MGAT4A: variants seen among roughly 807,000 people sequenced by gnomAD.
MGAT4A encodes the protein N-acetylglucosaminyltransferase IVa.
In MGAT4A, 33 loss-of-function variants were observed where a neutral mutation model predicts 74.1. The ratio of observed to expected loss-of-function variants is 0.45; its 90% CI spans 0.34 to 0.60. The LOEUF is 0.60. MGAT4A is among the 20% of genes least tolerant of loss of function. The pLI, the probability that MGAT4A is intolerant of heterozygous loss-of-function variation, is 0.02. For synonymous variants in MGAT4A, 198 were observed against 210.4 expected (o/e 0.94, Z 0.51); for missense variants, 479 against 628.3 (o/e 0.76, Z 2.54).
chr2:98,653,438 A>G (rs1319453682), intron 8 of MGAT4A, among the ~76,000 whole-genome samples: 1 of 151,684 alleles, frequency 6.6e-6, no homozygotes, highest in South Asian at 2.1e-4. Context: ...CCTTAGCTAG[A>G]TTAGCTAAGA....
chr2:98,621,382 T>G lies in MGAT4A; in HGVS notation c.*4184A>C, dbSNP rs760095038. 3.2e-5 allele frequency: 50 copies of G among 1,545,674 alleles called. No individual in the cohort carries two copies. In the African/African-American group the frequency reaches 6.5e-4, roughly 20 times the overall value. ...CCTTTGCTGTTAGCCAAGGCCTCTC[T>G]CAGCTCCTCAAAGCCATGTGCATTC... is the stretch of plus-strand genomic sequence containing the variant. On this transcript the variant is annotated 3_prime_UTR_variant, in exon 16 of 16. Coordinates refer to ENST00000393487, the MANE Select transcript of MGAT4A (RefSeq NM_012214.3).
Position 98,647,614 on chromosome 2 carries a change from C to T in MGAT4A, c.775-2072G>A, listed in dbSNP as rs575800747. Among the ~76,000 whole-genome samples the T allele has an allele frequency of 9.8e-5, 15 of 152,312 alleles. No homozygotes were observed. The South Asian group carries it at 1.4e-3, about 15-fold the overall frequency. On this transcript the variant is annotated intron_variant, in intron 8 of 15. Coordinates refer to ENST00000393487, the MANE Select transcript of MGAT4A (RefSeq NM_012214.3). ...GATTACAGGCGTGAGCCACTGCGCC[C>T]GGCCCATAACGCGCTTTCTTATGCG...
In MGAT4A at chr2:98,623,633, C is replaced by T; in HGVS notation, c.*1933G>A. 1 of 985,304 alleles carries T rather than the reference C, an allele frequency of 1.0e-6. No individual in the cohort carries two copies. Among genetic ancestry groups the T allele is most frequent in the Non-Finnish European group, 1.2e-6 (1 of 829,832 alleles). The allele number at this position is 985,304 out of a possible 1,614,324, so 61.0% of individuals were successfully genotyped here. ...TTAAAACATCCTAATAAAAAAATTT[C>T]AACTGGCCTTTAACTGACATAAAAA... On this transcript the variant is annotated 3_prime_UTR_variant, in exon 16 of 16. Transcript: ENST00000393487.
chr2:98,668,530 T>C (rs924445821), intron 4 of MGAT4A, among the ~76,000 whole-genome samples: 6 of 152,212 alleles, frequency 3.9e-5, no homozygotes, highest in African/African-American at 1.2e-4. Flanking sequence ...GGTGCTCTTA[T>C]GGAGAACCTC....
intron 2 of MGAT4A, among the ~76,000 whole-genome samples, chr2:98,711,906 G>A (rs765875821): frequency 6.6e-6 from 1 of 152,202 alleles, no homozygotes; most frequent in Non-Finnish European, 1.5e-5. Flanking sequence ...TTATGGGCAT[G>A]AGTCACCACA....
At position 98,623,937 on chromosome 2, in the gene MGAT4A, T is replaced by C. The variant is rs1701100819; in HGVS notation, c.*1629A>G. ...GCTCAGCAGAATCCATCTCTGCCCGTCTGCAACCAACCTGCAACCCACTTG... is the reference window on the plus strand; with the variant it reads ...GCTCAGCAGAATCCATCTCTGCCCGCCTGCAACCAACCTGCAACCCACTTG... On this transcript the variant is annotated 3_prime_UTR_variant, in exon 16 of 16. Coordinates refer to ENST00000393487, the MANE Select transcript of MGAT4A (RefSeq NM_012214.3). The C allele has an allele frequency of 1.0e-6, 1 of 985,224 alleles. No individual in the cohort carries two copies. Among genetic ancestry groups the C allele is most frequent in the Admixed American group, 6.1e-5 (1 of 16,266 alleles). 61.0% of individuals were successfully genotyped at this position (985,224 alleles called of 1,614,324 possible).
chr2:98,712,075 C>T (rs1173243333), intron 2 of MGAT4A, among the ~76,000 whole-genome samples: 7 of 152,178 alleles, frequency 4.6e-5, no homozygotes, highest in Non-Finnish European at 1.0e-4. Flanking sequence ...CTCCTCATTC[C>T]CTCAGTCTCC....
chr2:98,668,526 C>A (rs1266909351), intron 4 of MGAT4A, among the ~76,000 whole-genome samples: 1 of 152,184 alleles, frequency 6.6e-6, no homozygotes, highest in Admixed American at 6.5e-5. Flanking sequence ...GGGCGGTGCT[C>A]TTATGGAGAA....
chr2:98,657,046 A>G (rs2104261751), intron 6 of MGAT4A, among the ~76,000 whole-genome samples: 1 of 152,346 alleles, frequency 6.6e-6, no homozygotes, highest in South Asian at 2.1e-4. Flanking sequence ...GGTAGACATT[A>G]GGGATCCTGC....
At chr2:98,668,519 C>T (rs954124729) in intron 4 of MGAT4A, among the ~76,000 whole-genome samples, 20 of 152,224 alleles carry the variant, frequency 1.3e-4, no homozygotes, top group African/African-American at 3.1e-4. Flanking sequence ...GCTGCAGGGG[C>T]GGTGCTCTTA....
intron 2 of MGAT4A, among the ~76,000 whole-genome samples, chr2:98,705,124 C>CA (rs1477289939): frequency 6.6e-6 from 1 of 152,174 alleles, no homozygotes; most frequent in Non-Finnish European, 1.5e-5. Context: ...AGATCTTAAT[C>CA]AGCACACTGA....
Position 98,656,470 on chromosome 2 carries a change from T to C in MGAT4A, c.585-5A>G. The C allele has an allele frequency of 1.3e-6, 2 of 1,569,072 alleles. No homozygotes were observed. Among genetic ancestry groups the C allele is most frequent in the Non-Finnish European group, 1.7e-6 (2 of 1,147,844 alleles). On this transcript the variant is annotated splice_region_variant and splice_polypyrimidine_tract_variant and intron_variant, in intron 6 of 15. Transcript: ENST00000393487. ...GAACTGATTTCTTTAGAAAATCTAT[T>C]ATGAGAAAGTTAGCTGAGTTACTTA...
chr2:98,684,959 G>A (rs983428488), intron 2 of MGAT4A, among the ~76,000 whole-genome samples: 6 of 152,060 alleles, frequency 3.9e-5, no homozygotes, highest in East Asian at 3.9e-4. Context: ...CCTCTGGGCC[G>A]GGCATGGTGG....
chr2:98,620,102 T>G lies in MGAT4A; in HGVS notation c.*5464A>C, dbSNP rs977764886. ...TTAGTGCCCAAACCGGGTGAAGGAGTGTTTCAGGTAAGAAGAAGAGTTTAT... is the reference window on the plus strand; with the variant it reads ...TTAGTGCCCAAACCGGGTGAAGGAGGGTTTCAGGTAAGAAGAAGAGTTTAT... On this transcript the variant is annotated 3_prime_UTR_variant, in exon 16 of 16. Transcript: ENST00000393487. 2 of 152,062 alleles carry G rather than the reference T, an allele frequency of 1.3e-5. No homozygotes were observed. The highest frequency in any genetic ancestry group is 2.9e-5 in the Non-Finnish European group (2 of 67,994). The allele number at this position is 152,062 out of a possible 1,614,324, so 9.4% of individuals were successfully genotyped here. A position where few individuals can be genotyped will look rare whatever the true frequency, so the allele number is the denominator to read the frequency against.
In MGAT4A at chr2:98,655,309, C is replaced by G. The variant is rs1017699288; in HGVS notation, c.774+136G>C. 6.5e-6 allele frequency: 4 copies of G among 615,402 alleles called. No individual in the cohort carries two copies. The African/African-American group carries it at 7.6e-5, about 12-fold the overall frequency. The allele number at this position is 615,402 out of a possible 1,614,324, so 38.1% of individuals were successfully genotyped here. A position where few individuals can be genotyped will look rare whatever the true frequency, so the allele number is the denominator to read the frequency against. Reference sequence around the variant, plus strand: ...ACATGCTCAGTTACCATGGAGACCCCTCTGCTCTGAGATAGTTATGATTTG... The same window carrying G: ...ACATGCTCAGTTACCATGGAGACCCGTCTGCTCTGAGATAGTTATGATTTG... On this transcript the variant is annotated intron_variant, in intron 8 of 15. Coordinates refer to ENST00000393487, the MANE Select transcript of MGAT4A (RefSeq NM_012214.3).
intron 2 of MGAT4A, among the ~76,000 whole-genome samples, chr2:98,686,173 C>T (rs967482492): frequency 6.6e-6 from 1 of 152,104 alleles, no homozygotes; most frequent in South Asian, 2.1e-4. Context: ...CCAACACATA[C>T]GCATGGATTC....
chr2:98,678,318 A>C lies in MGAT4A; in HGVS notation c.248T>G (p.Leu83Trp). Residue 83 changes from leucine to tryptophan, a missense_variant, in exon 3 of 16, where the codon TTG becomes TGG. By Grantham distance (61) the Leu-to-Trp change is moderately conservative (BLOSUM62 -2). Coordinates refer to ENST00000393487, the MANE Select transcript of MGAT4A (RefSeq NM_012214.3). ...GAETNGSKDA[L>W]NKFSDNTLKL... ...ACTGTTTGTACCTGAAAACTTATTC[A>C]ACGCATCCTTACTTCCATTTGTTTC... 1 of 1,406,694 alleles carries C rather than the reference A, an allele frequency of 7.1e-7. No homozygotes were observed. Among genetic ancestry groups the C allele is most frequent in the Non-Finnish European group, 9.4e-7 (1 of 1,068,108 alleles). The allele number at this position is 1,406,694 out of a possible 1,614,324, so 87.1% of individuals were successfully genotyped here. A position where few individuals can be genotyped will look rare whatever the true frequency, so the allele number is the denominator to read the frequency against.
At chr2:98,683,129 C>A (rs534475424) in intron 2 of MGAT4A, among the ~76,000 whole-genome samples, 1 of 151,928 alleles carries the variant, frequency 6.6e-6, no homozygotes, top group Non-Finnish European at 1.5e-5. Flanking sequence ...ATGGCTTCCA[C>A]TTTAAGACGT....
chr2:98,711,618 A>C (rs1055778894), intron 2 of MGAT4A, among the ~76,000 whole-genome samples: 1 of 152,202 alleles, frequency 6.6e-6, no homozygotes, highest in Non-Finnish European at 1.5e-5. Context: ...AAGTTCAAAA[A>C]AAAAATCAGC....
Sources: allele counts gnomAD v4.1 joint callset (sites outside exome capture counted in the v4.1 genomes callset), GRCh38; gene constraint gnomAD v4.1.1; transcripts MANE v1.5; gene names NCBI Gene and HGNC (gene_info 2026-07-23, HGNC 2026-07-21).